VAV2: variants seen among roughly 807,000 people sequenced by gnomAD.
VAV2 encodes vav guanine nucleotide exchange factor 2, also known as guanine nucleotide exchange factor VAV2.
Under a neutral mutation model 132.5 loss-of-function variants are expected in VAV2, and 67 were observed. The observed-to-expected ratio is 0.51, with a 90% confidence interval of 0.42 to 0.62. The LOEUF (loss-of-function observed/expected upper bound fraction) is 0.62. Ranked by LOEUF, VAV2 falls within the 20% of genes least tolerant of loss-of-function variation. VAV2 has a pLI of 0.00. For synonymous variants in VAV2, 492 were observed against 443.5 expected, an observed-to-expected ratio of 1.11 and a Z score of -1.37; for missense variants, 938 against 1,153.6, an observed-to-expected ratio of 0.81 and a Z score of 2.71.
intron 1 of VAV2, among the ~76,000 whole-genome samples, chr9:133,973,546 G>A (rs1259090799): frequency 6.6e-6 from 1 of 152,210 alleles, no homozygotes; most frequent in African/African-American, 2.4e-5. Flanking sequence ...TCCCAGAGAG[G>A]AAGGAGACCC....
intron 3 of VAV2, among the ~76,000 whole-genome samples, chr9:133,843,763 T>G (rs1246064399): frequency 6.6e-5 from 10 of 152,124 alleles, no homozygotes. Flanking sequence ...GGCAGGAGTC[T>G]CACGGGGGTG....
Position 133,795,648 on chromosome 9 carries a change from G to A in VAV2, c.1101+20C>T. The stretch of plus-strand genomic sequence containing the variant: ...TAAGCCAGACGGTGGCTTCTCCCCT[G>A]CCTCAGTTTACCCACACACCTGCAT... On this transcript the variant is annotated intron_variant, in intron 12 of 29. Transcript: ENST00000371850. 1 of 1,613,766 alleles carries A rather than the reference G, an allele frequency of 6.2e-7. No individual in the cohort carries two copies. Among genetic ancestry groups the A allele is most frequent in the South Asian group, 1.1e-5 (1 of 91,072 alleles).
At chr9:133,948,297 C>T (rs1193415116) in intron 1 of VAV2, among the ~76,000 whole-genome samples, 4 of 152,254 alleles carry the variant, frequency 2.6e-5, no homozygotes, top group African/African-American at 4.8e-5. Flanking sequence ...AGGACCAAGG[C>T]GTCAGGCCAG....
intron 2 of VAV2, among the ~76,000 whole-genome samples, chr9:133,867,316 T>C (rs989228484): frequency 6.6e-6 from 1 of 152,196 alleles, no homozygotes; most frequent in Non-Finnish European, 1.5e-5. Context: ...TCTAGCTTTC[T>C]CTTTCTGGCG....
chr9:133,786,700 C>T (rs1834240278), intron 16 of VAV2, among the ~76,000 whole-genome samples: 1 of 152,260 alleles, frequency 6.6e-6, no homozygotes, highest in Non-Finnish European at 1.5e-5. Context: ...CAACTGCCCC[C>T]TTCCCTGCCT....
At chr9:133,950,101 G>T (rs1192919947) in intron 1 of VAV2, among the ~76,000 whole-genome samples, 1 of 152,306 alleles carries the variant, frequency 6.6e-6, no homozygotes, top group South Asian at 2.1e-4. Context: ...CTCAAAGGCT[G>T]AAAAGTCAAG....
At chr9:133,871,518 T>A (rs1838055079) in intron 2 of VAV2, among the ~76,000 whole-genome samples, 1 of 150,196 alleles carries the variant, frequency 6.7e-6, no homozygotes, top group Non-Finnish European at 1.5e-5. Context: ...GGATGGATGG[T>A]GGGTAGATGG....
At chr9:133,938,088 C>T (rs138628992) in intron 2 of VAV2, among the ~76,000 whole-genome samples, 5 of 152,364 alleles carry the variant, frequency 3.3e-5, no homozygotes, top group Admixed American at 6.5e-5. Context: ...ATTCCCTCTG[C>T]GCCTCACAAA....
At chr9:133,942,591 C>T (rs201096559) in intron 1 of VAV2, among the ~76,000 whole-genome samples, 1 of 152,340 alleles carries the variant, frequency 6.6e-6, no homozygotes, top group East Asian at 1.9e-4. Context: ...TCTGTAATTT[C>T]CACTAAGCAT....
chr9:133,820,873 C>A lies in VAV2; in HGVS notation c.450-8657G>T, dbSNP rs138818656. ...CAGGAGGGTCCCATTGTGCAAGGACCCTCACCTCAGCGTTCTCACTAGACA... is the reference window on the plus strand; with the variant it reads ...CAGGAGGGTCCCATTGTGCAAGGACACTCACCTCAGCGTTCTCACTAGACA... On this transcript the variant is annotated intron_variant, in intron 4 of 29. Coordinates refer to ENST00000371850, the MANE Select transcript of VAV2 (RefSeq NM_001134398.2). Among the ~76,000 whole-genome samples, 691 of 152,288 alleles carry A rather than the reference C, an allele frequency of 4.5e-3. 7 individuals are homozygous for A. Among genetic ancestry groups the A allele is most frequent in the Middle Eastern group, 0.02 (6 of 294 alleles).
chr9:133,874,943 C>T (rs1267123815), intron 2 of VAV2, among the ~76,000 whole-genome samples: 1 of 152,152 alleles, frequency 6.6e-6, no homozygotes, highest in Non-Finnish European at 1.5e-5. Flanking sequence ...CCAGAACCCT[C>T]ACCTTACACA....
rs973290261 is a variant in VAV2 at position 133,812,215 on chromosome 9, C to T, written c.451G>A (p.Glu151Lys). 7.4e-6 allele frequency: 12 copies of T among 1,613,552 alleles called. No individual in the cohort carries two copies. The highest frequency in any genetic ancestry group is 1.6e-4 in the Middle Eastern group (1 of 6,080). Residue 151 changes from glutamate to lysine, a missense_variant and splice_region_variant, in exon 5 of 30, where the codon GAG (glutamate) becomes AAG (lysine). Glu to Lys is a moderately conservative substitution (Grantham distance 56, BLOSUM62 1). Coordinates refer to ENST00000371850, the MANE Select transcript of VAV2 (RefSeq NM_001134398.2). ...TAGATGTCCTCCCCCAGGTCATGCT[C>T]GCTGCACAGGAGGAGGCGGGTTAGA... ...VYRSLEELAD[E>K]HDLGEDIYDC...
chr9:133,790,145 G>A (rs1396085055), intron 13 of VAV2, among the ~76,000 whole-genome samples: 1 of 152,216 alleles, frequency 6.6e-6, no homozygotes, highest in African/African-American at 2.4e-5. Context: ...GGCTCATGGG[G>A]ATGCTCGACG....
At position 133,969,195 on chromosome 9, in the gene VAV2, C is replaced by A. The variant is rs532717671; in HGVS notation, c.204+22880G>T. 8.0e-4 allele frequency among the ~76,000 whole-genome samples: 121 copies of A among 152,192 alleles called. No individual in the cohort carries two copies. Among genetic ancestry groups the A allele is most frequent in the Non-Finnish European group, 1.3e-3 (86 of 67,988 alleles). On this transcript the variant is annotated intron_variant, in intron 1 of 29. Coordinates refer to ENST00000371850, the MANE Select transcript of VAV2 (RefSeq NM_001134398.2). The surrounding 1 kb of genome is among the most constrained non-coding windows in gnomAD (Gnocchi z 5.1). ...AGGACGAGAGCTGGATTCCACCGTG[C>A]CCGCCGGGCCTGCGAGGACGAGCCT... is the stretch of plus-strand genomic sequence containing the variant.
At chr9:133,805,204 C>T (rs1271286012) in intron 9 of VAV2, among the ~76,000 whole-genome samples, 1 of 152,094 alleles carries the variant, frequency 6.6e-6, no homozygotes, top group Non-Finnish European at 1.5e-5. Flanking sequence ...GGCTCAGGGC[C>T]GCGTGGTAAG....
At chr9:133,782,106 CGGGGCG>C (rs1564340140) in intron 19 of VAV2, among the ~76,000 whole-genome samples, 11 of 132,732 alleles carry the variant, frequency 8.3e-5, no homozygotes, top group African/African-American at 1.4e-4. Flanking sequence ...CCGGCGGGGG[CGGGGCG>C]GGGGAGGAAC....
chr9:133,843,684 T>C (rs1018053164), intron 3 of VAV2, among the ~76,000 whole-genome samples: 3 of 152,244 alleles, frequency 2.0e-5, no homozygotes, highest in South Asian at 4.2e-4. Context: ...ATGATGGACA[T>C]GGGCATGGTT....
chr9:133,896,911 G>A (rs1175789568), intron 2 of VAV2, among the ~76,000 whole-genome samples: 1 of 152,038 alleles, frequency 6.6e-6, no homozygotes, highest in African/African-American at 2.4e-5. Context: ...TGGCTAACAT[G>A]GTGAAACCCC....
chr9:133,784,488 G>A, intron 17 of VAV2, 70 bp from the exon 18 acceptor site: 1 of 1,557,766 alleles, frequency 6.4e-7, no homozygotes, highest in South Asian at 1.1e-5. Flanking sequence ...TGGCCATCCT[G>A]GGAACCAGCT....
Sources: gnomAD v4.1 joint callset for allele counts (sites outside exome capture counted in the v4.1 genomes callset) on GRCh38, gnomAD v4.1.1 for gene constraint, Gnocchi (gnomAD v3.1) non-coding constraint, MANE v1.5 for transcripts, NCBI Gene and HGNC (gene_info 2026-07-23, HGNC 2026-07-21) for gene names.